Variants in NKAIN3 observed in about 807,000 individuals in gnomAD.
NKAIN3 encodes sodium/potassium transporting ATPase interacting 3.
Under a neutral mutation model 30.2 loss-of-function variants are expected in NKAIN3, and 25 were observed. That is an observed-to-expected ratio of 0.83 (90% CI 0.60 to 1.16). The LOEUF is 1.16. Ranked by LOEUF, NKAIN3 falls within the 50% of genes most tolerant of loss-of-function variation. The pLI is 0.00. For missense variants in NKAIN3, 225 were observed against 254.1 expected, an observed-to-expected ratio of 0.89 and a Z score of 0.78; for synonymous variants, 91 against 89.6, an observed-to-expected ratio of 1.02 and a Z score of -0.09.
intron 3 of NKAIN3, among the ~76,000 whole-genome samples, chr8:62,683,395 T>C (rs781356859): frequency 6.6e-6 from 1 of 152,202 alleles, no homozygotes; most frequent in Non-Finnish European, 1.5e-5. Flanking sequence ...TACATGTCTT[T>C]ATCAAGTTAC....
intron 1 of NKAIN3, among the ~76,000 whole-genome samples, chr8:62,381,043 A>G (rs765443175): frequency 6.6e-5 from 10 of 152,226 alleles, no homozygotes; most frequent in Admixed American, 2.6e-4. Flanking sequence ...TTTAAAAAAT[A>G]TCAATTACTT....
In NKAIN3 at chr8:62,977,181, G is replaced by C. The variant is rs1458894119; in HGVS notation, c.*11774G>C. 6.6e-6 allele frequency among the ~76,000 whole-genome samples: 1 copy of C among 152,154 alleles called. No individual in the cohort carries two copies. The highest frequency in any genetic ancestry group is 2.4e-5 in the African/African-American group (1 of 41,436). ...GTGTCTTGGGGTTGCTCTTCTCAAA[G>C]AGTATCTTTGTGGTGTTCTCTGTAT... is the stretch of plus-strand genomic sequence containing the variant. On this transcript the variant is annotated 3_prime_UTR_variant, in exon 7 of 7. Transcript: ENST00000623646.
chr8:62,535,461 C>A (rs765884578), intron 1 of NKAIN3, among the ~76,000 whole-genome samples: 10 of 152,104 alleles, frequency 6.6e-5, no homozygotes, highest in African/African-American at 1.9e-4. Flanking sequence ...CTTCCACTCA[C>A]CCCGCTACCA....
chr8:62,256,463 A>G (rs757167434), intron 1 of NKAIN3, among the ~76,000 whole-genome samples: 57 of 152,116 alleles, frequency 3.7e-4, no homozygotes, highest in Non-Finnish European at 5.6e-4. Flanking sequence ...AAGTTTTAGA[A>G]GAGTTGCTTC....
intron 6 of NKAIN3, among the ~76,000 whole-genome samples, chr8:62,954,278 T>A (rs1476128097): frequency 6.6e-6 from 1 of 152,166 alleles, no homozygotes; most frequent in Non-Finnish European, 1.5e-5. Flanking sequence ...AATGAATATG[T>A]GTCCTGGGGC....
At chr8:62,688,697 T>A (rs187812217) in intron 3 of NKAIN3, among the ~76,000 whole-genome samples, 7 of 151,832 alleles carry the variant, frequency 4.6e-5, no homozygotes, top group Admixed American at 3.9e-4. Context: ...ATTAAAAACA[T>A]CTATTTTCAA....
At chr8:62,439,278 ACT>A (rs1805257907) in intron 1 of NKAIN3, among the ~76,000 whole-genome samples, 2 of 152,142 alleles carry the variant, frequency 1.3e-5, no homozygotes, top group South Asian at 4.1e-4. Flanking sequence ...TACAGGGAAG[ACT>A]CTGGTAAGTG....
At chr8:62,724,983 T>C (rs1767260784) in intron 3 of NKAIN3, among the ~76,000 whole-genome samples, 1 of 152,132 alleles carries the variant, frequency 6.6e-6, no homozygotes, top group African/African-American at 2.4e-5. Context: ...GTTGTGATAA[T>C]TTGCATTTCC....
intron 4 of NKAIN3, among the ~76,000 whole-genome samples, chr8:62,867,054 T>TAA (rs11444625): frequency 0.23 from 27,417 of 119,184 alleles, 3,617 homozygotes; most frequent in Non-Finnish European, 0.32. Context: ...GACTCCGTCT[T>TAA]AAAAAAAAAA....
At chr8:62,597,489 A>G (rs1364382116) in intron 3 of NKAIN3, among the ~76,000 whole-genome samples, 1 of 151,828 alleles carries the variant, frequency 6.6e-6, no homozygotes, top group Non-Finnish European at 1.5e-5. Context: ...CTTTTTGTTA[A>G]TAGGGTTTGT....
chr8:62,945,287 G>A (rs952092987), intron 5 of NKAIN3, among the ~76,000 whole-genome samples: 7 of 152,144 alleles, frequency 4.6e-5, no homozygotes, highest in Non-Finnish European at 7.3e-5. Flanking sequence ...TGAGATATGT[G>A]CCCAAAAATA....
intron 1 of NKAIN3, among the ~76,000 whole-genome samples, chr8:62,251,024 G>T (rs537863712): frequency 6.6e-6 from 1 of 152,160 alleles, no homozygotes; most frequent in African/African-American, 2.4e-5. Flanking sequence ...TACAAACTCT[G>T]CAAGTTCTTA....
chr8:62,286,307 C>T lies in NKAIN3; in HGVS notation c.54+37180C>T, dbSNP rs1813377931. On this transcript the variant is annotated intron_variant, in intron 1 of 6. Coordinates refer to ENST00000623646, the MANE Select transcript of NKAIN3 (RefSeq NM_001304533.3). ...AAAAGGAATACAAAATTTATCTTAG[C>T]AGGCTATACATAAAGACGTGGTGAA... Among the ~76,000 whole-genome samples the T allele has an allele frequency of 2.0e-5, 3 of 152,140 alleles. No homozygotes were observed. The South Asian group carries it at 6.2e-4, about 31-fold the overall frequency.
chr8:62,864,637 C>A (rs1820365211), intron 4 of NKAIN3, among the ~76,000 whole-genome samples: 2 of 152,160 alleles, frequency 1.3e-5, no homozygotes, highest in Non-Finnish European at 1.5e-5. Context: ...ATCCTTAGAA[C>A]CTGTGGCCTG....
chr8:62,306,843 T>G (rs1350428912), intron 1 of NKAIN3, among the ~76,000 whole-genome samples: 1 of 149,176 alleles, frequency 6.7e-6, no homozygotes, highest in Non-Finnish European at 1.5e-5. Flanking sequence ...TTCCTGGTTC[T>G]GATCTCGGTG....
At position 62,776,235 on chromosome 8, in the gene NKAIN3, C is replaced by T. The variant is rs147771957; in HGVS notation, c.471+29106C>T. Among the ~76,000 whole-genome samples, 477 of 152,050 alleles carry T rather than the reference C, an allele frequency of 3.1e-3. 1 individual carries two copies. The highest frequency in any genetic ancestry group is 0.01 in the African/African-American group (419 of 41,514). Reference sequence around the variant, plus strand: ...TTTCTTTTTTCTATATCAATTCAGCCACCATATGTCTTTTGTTTGGATAAT... The same window carrying T: ...TTTCTTTTTTCTATATCAATTCAGCTACCATATGTCTTTTGTTTGGATAAT... On this transcript the variant is annotated intron_variant, in intron 4 of 6. Coordinates refer to ENST00000623646, the MANE Select transcript of NKAIN3 (RefSeq NM_001304533.3).
At chr8:62,270,711 C>T (rs1812752467) in intron 1 of NKAIN3, among the ~76,000 whole-genome samples, 1 of 152,156 alleles carries the variant, frequency 6.6e-6, no homozygotes, top group African/African-American at 2.4e-5. Context: ...ATCATCTCCT[C>T]ATTACTCCTG....
intron 4 of NKAIN3, among the ~76,000 whole-genome samples, chr8:62,882,381 C>T (rs1402519665): frequency 3.3e-5 from 5 of 152,036 alleles, no homozygotes; most frequent in Non-Finnish European, 5.9e-5. Context: ...TACAATGACG[C>T]GATCTCTGCT....
intron 1 of NKAIN3, among the ~76,000 whole-genome samples, chr8:62,391,695 C>A (rs1420017738): frequency 6.6e-6 from 1 of 151,910 alleles, no homozygotes; most frequent in Non-Finnish European, 1.5e-5. Context: ...GGGAAAATGG[C>A]AGTTTTTGAA....
Sources: allele counts gnomAD v4.1 joint callset (sites outside exome capture counted in the v4.1 genomes callset), GRCh38; gene constraint gnomAD v4.1.1; transcripts MANE v1.5; gene names NCBI Gene and HGNC (gene_info 2026-07-23, HGNC 2026-07-21).